SLC24A2: variants seen among roughly 807,000 people sequenced by gnomAD.
The protein encoded by SLC24A2 is sodium/potassium/calcium exchanger 2.
In SLC24A2, 36 loss-of-function variants were observed where a neutral mutation model predicts 62.0. The ratio of observed to expected loss-of-function variants is 0.58; its 90% CI spans 0.44 to 0.77. SLC24A2 has a LOEUF of 0.77. Ranked by LOEUF, SLC24A2 falls within the 30% of genes least tolerant of loss-of-function variation. SLC24A2 has a pLI of 0.00. For synonymous variants in SLC24A2, 358 were observed against 294.0 expected (o/e 1.22, Z -2.23); for missense variants, 846 against 817.9 (o/e 1.03, Z -0.42).
chr9:20,288,379 C>T, the SLC24A2 span, among the ~76,000 whole-genome samples: 1 of 152,100 alleles, frequency 6.6e-6, no homozygotes, highest in South Asian at 2.1e-4. Flanking sequence ...AAAGTCTGTT[C>T]CCTCCTCTTG....
chr9:19,798,948 TC>T, the SLC24A2 span, among the ~76,000 whole-genome samples: 2 of 152,176 alleles, frequency 1.3e-5, no homozygotes, highest in African/African-American at 4.8e-5. Flanking sequence ...TATGCACATA[TC>T]CCCTTTCCAT....
At chr9:19,724,461 A>G (rs1008730971) in intron 2 of SLC24A2, among the ~76,000 whole-genome samples, 2 of 152,232 alleles carry the variant, frequency 1.3e-5, no homozygotes, top group Non-Finnish European at 2.9e-5. Context: ...TTTGATTTGT[A>G]AAAGATGAAC....
At chr9:19,683,310 A>C (rs989111247) in intron 2 of SLC24A2, among the ~76,000 whole-genome samples, 4 of 152,190 alleles carry the variant, frequency 2.6e-5, no homozygotes, top group Admixed American at 2.6e-4. Context: ...CTTTGCTCCT[A>C]GAGTGCTACT....
At chr9:20,191,125 G>A in the SLC24A2 span, among the ~76,000 whole-genome samples, 1 of 150,476 alleles carries the variant, frequency 6.6e-6, no homozygotes, top group Non-Finnish European at 1.5e-5. Flanking sequence ...TCATAAAATT[G>A]GCCTAATCAA....
the SLC24A2 span, among the ~76,000 whole-genome samples, chr9:19,944,144 T>C: frequency 1.3e-5 from 2 of 152,108 alleles, no homozygotes; most frequent in African/African-American, 4.8e-5. Context: ...GTTGAAAAAC[T>C]AACGTTTGGG....
At chr9:20,233,894 C>G in the SLC24A2 span, among the ~76,000 whole-genome samples, 3,565 of 152,218 alleles carry the variant, frequency 0.023, 144 homozygotes, top group African/African-American at 0.08. Context: ...TTAATGCTTC[C>G]TTCAGGAGCT....
the SLC24A2 span, among the ~76,000 whole-genome samples, chr9:20,154,700 T>C: frequency 2.6e-5 from 4 of 151,316 alleles, no homozygotes; most frequent in African/African-American, 9.7e-5. Flanking sequence ...TTGGGCTCCA[T>C]GTAACAGAAT....
chr9:19,773,402 C>T (rs1822748667), intron 2 of SLC24A2, among the ~76,000 whole-genome samples: 1 of 152,156 alleles, frequency 6.6e-6, no homozygotes, highest in African/African-American at 2.4e-5. Flanking sequence ...TGGGCCACAG[C>T]TGGAATAAAC....
the SLC24A2 span, among the ~76,000 whole-genome samples, chr9:20,134,651 T>G: frequency 4.6e-5 from 7 of 152,148 alleles, no homozygotes; most frequent in Non-Finnish European, 7.4e-5. Context: ...AAAGTGTTAT[T>G]AGAGTCCCAT....
the SLC24A2 span, among the ~76,000 whole-genome samples, chr9:20,169,437 G>A: frequency 6.6e-6 from 1 of 151,948 alleles, no homozygotes; most frequent in African/African-American, 2.4e-5. Flanking sequence ...GCTCCTGCAG[G>A]ACCCAGGAGA....
chr9:19,676,883 C>T (rs1819577826), intron 2 of SLC24A2, among the ~76,000 whole-genome samples: 2 of 152,070 alleles, frequency 1.3e-5, no homozygotes. Flanking sequence ...CAAAGAGATA[C>T]CATCTCACAC....
At chr9:19,874,399 T>G in the SLC24A2 span, among the ~76,000 whole-genome samples, 3 of 152,190 alleles carry the variant, frequency 2.0e-5, no homozygotes, top group Non-Finnish European at 1.5e-5. Flanking sequence ...TTCTTATTTT[T>G]CATCTAAATA....
At chr9:20,242,574 AG>A in the SLC24A2 span, among the ~76,000 whole-genome samples, 1 of 152,206 alleles carries the variant, frequency 6.6e-6, no homozygotes, top group African/African-American at 2.4e-5. Flanking sequence ...AGGGAAGGGC[AG>A]GGAGCCATGA....
At chr9:20,240,931 T>C in the SLC24A2 span, among the ~76,000 whole-genome samples, 1 of 152,192 alleles carries the variant, frequency 6.6e-6, no homozygotes, top group African/African-American at 2.4e-5. Context: ...ATAGATTCTC[T>C]ACCACACGCA....
At chr9:20,292,879 A>G in the SLC24A2 span, among the ~76,000 whole-genome samples, 1 of 152,248 alleles carries the variant, frequency 6.6e-6, no homozygotes, top group Admixed American at 6.5e-5. Flanking sequence ...GGCATAGGCC[A>G]CCACACCTGG....
At chr9:20,182,402 T>C in the SLC24A2 span, among the ~76,000 whole-genome samples, 2 of 152,198 alleles carry the variant, frequency 1.3e-5, no homozygotes, top group African/African-American at 2.4e-5. Context: ...CCATCAATGA[T>C]AGACTGGATA....
chr9:19,685,142 A>G (rs1191766525), intron 2 of SLC24A2, among the ~76,000 whole-genome samples: 1 of 152,162 alleles, frequency 6.6e-6, no homozygotes, highest in Non-Finnish European at 1.5e-5. Context: ...CCAAATCAAC[A>G]ACACAATCCC....
chr9:19,736,778 G>A (rs765466745), intron 2 of SLC24A2, among the ~76,000 whole-genome samples: 26 of 152,166 alleles, frequency 1.7e-4, no homozygotes, highest in Non-Finnish European at 3.2e-4. Flanking sequence ...CTTGAGACCA[G>A]GAGTTTAAAA....
chr9:19,847,279 C>G, the SLC24A2 span, among the ~76,000 whole-genome samples: 1 of 152,028 alleles, frequency 6.6e-6, no homozygotes, highest in Non-Finnish European at 1.5e-5. Context: ...TTAAATAGCC[C>G]TGAGGGAAGT....
Sources: gnomAD v4.1 joint callset for allele counts (sites outside exome capture counted in the v4.1 genomes callset) on GRCh38, gnomAD v4.1.1 for gene constraint, MANE v1.5 for transcripts, NCBI Gene and HGNC (gene_info 2026-07-23, HGNC 2026-07-21) for gene names.